MED13L: variants seen among roughly 807,000 people sequenced by gnomAD.
MED13L encodes mediator of RNA polymerase II transcription subunit 13-like.
In MED13L, 7 loss-of-function variants were observed where a neutral mutation model predicts 220.9. The ratio of observed to expected loss-of-function variants is 0.03; its 90% confidence interval spans 0.02 to 0.06. MED13L has a LOEUF of 0.06. Among genes scored for constraint, MED13L ranks in the 10% least tolerant of loss-of-function variants. The pLI is 1.00. For synonymous variants in MED13L, 1,011 were observed against 1,015.2 expected, an observed-to-expected ratio of 1.00 and a Z score of 0.08; for missense variants, 1,965 against 2,760.5, an observed-to-expected ratio of 0.71 and a Z score of 6.46.
intron 2 of MED13L, among the ~76,000 whole-genome samples, chr12:116,234,199 A>C (rs929171485): frequency 5.3e-5 from 8 of 151,784 alleles, no homozygotes; most frequent in African/African-American, 1.9e-4. Flanking sequence ...AATTTAAGCC[A>C]GCTAACAGGA....
intron 2 of MED13L, among the ~76,000 whole-genome samples, chr12:116,228,504 A>C (rs887397526): frequency 1.3e-5 from 2 of 152,160 alleles, no homozygotes; most frequent in African/African-American, 4.8e-5. Flanking sequence ...TTTTCTGCAG[A>C]GACAGGGTCC....
chr12:116,124,712 T>C (rs977875306), intron 2 of MED13L, among the ~76,000 whole-genome samples: 1 of 152,192 alleles, frequency 6.6e-6, no homozygotes, highest in Non-Finnish European at 1.5e-5. Flanking sequence ...AGGTTTTAAC[T>C]GTAAATATAA....
At chr12:115,976,276 A>G (rs1164981194) in intron 23 of MED13L, among the ~76,000 whole-genome samples, 1 of 152,256 alleles carries the variant, frequency 6.6e-6, no homozygotes, top group Non-Finnish European at 1.5e-5. Context: ...ACTCATCAAC[A>G]GTGAAAGAGA....
intron 2 of MED13L, among the ~76,000 whole-genome samples, chr12:116,227,415 G>A (rs1869114652): frequency 6.6e-6 from 1 of 152,090 alleles, no homozygotes; most frequent in Non-Finnish European, 1.5e-5. Flanking sequence ...CAAATTTAAG[G>A]TGTGTAGCAA....
At chr12:116,007,665 A>AAAAG in intron 10 of MED13L, 29 bp from the exon 11 acceptor site, 3 of 1,498,400 alleles carry the variant, frequency 2.0e-6, no homozygotes, top group Non-Finnish European at 2.8e-6. Context: ...AAAAAAAAAA[A>AAAAG]GAGCATTTAT....
At chr12:116,098,438 G>C (rs77536105) in intron 3 of MED13L, among the ~76,000 whole-genome samples, 94 of 152,196 alleles carry the variant, frequency 6.2e-4, no homozygotes, top group African/African-American at 2.1e-3. Flanking sequence ...CTACCTACCA[G>C]CAAAAGAGTT....
chr12:116,060,232 G>C (rs1370247968), intron 4 of MED13L, among the ~76,000 whole-genome samples: 1 of 151,772 alleles, frequency 6.6e-6, no homozygotes. Context: ...ATTCGAATTA[G>C]ACACATTTCT....
chr12:116,008,940 G>A lies in MED13L; in HGVS notation c.1473C>T (p.Pro491=). The change falls in exon 10 of 31, where the codon CCC becomes CCT. Residue 491 remains proline, a synonymous_variant. Coordinates refer to ENST00000281928, the MANE Select transcript of MED13L (RefSeq NM_015335.5). ...CCATGCATAATTCTTCGGCCACAGA[G>A]GGCCTATGGTGAAATGGTATTAAGG... ...KRPLIPFHHR[P]SVAEELCMEQ... is the part of the protein sequence containing the mutation. 1 of 1,614,124 alleles carries A rather than the reference G, an allele frequency of 6.2e-7. No individual in the cohort carries two copies. Among genetic ancestry groups the A allele is most frequent in the South Asian group, 1.1e-5 (1 of 91,086 alleles).
chr12:116,221,456 C>G (rs2138394035), intron 2 of MED13L, among the ~76,000 whole-genome samples: 1 of 151,538 alleles, frequency 6.6e-6, no homozygotes, highest in Non-Finnish European at 1.5e-5. Context: ...AGAATAAACC[C>G]AAAACTACTT....
intron 2 of MED13L, among the ~76,000 whole-genome samples, chr12:116,229,275 T>C (rs1051303593): frequency 6.6e-6 from 1 of 152,224 alleles, no homozygotes; most frequent in African/African-American, 2.4e-5. Flanking sequence ...ACAGTTAATC[T>C]AGTGTTAAGA....
intron 4 of MED13L, among the ~76,000 whole-genome samples, chr12:116,030,113 G>A (rs1024862408): frequency 6.6e-6 from 1 of 152,056 alleles, no homozygotes; most frequent in Non-Finnish European, 1.5e-5. Context: ...GATTACAGAT[G>A]TGCGCCGCTA....
chr12:116,050,486 C>T (rs981009305), intron 4 of MED13L, among the ~76,000 whole-genome samples: 14 of 151,962 alleles, frequency 9.2e-5, no homozygotes, highest in Non-Finnish European at 1.8e-4. Flanking sequence ...AAGCCAAGTT[C>T]GGCTAATAGA....
At chr12:116,004,937 T>C (rs918753201) in intron 13 of MED13L, among the ~76,000 whole-genome samples, 1 of 152,208 alleles carries the variant, frequency 6.6e-6, no homozygotes, top group African/African-American at 2.4e-5. Context: ...CAACTTTAGA[T>C]TCAGGTCTAT....
chr12:116,169,783 AG>A (rs1879541275), intron 2 of MED13L, among the ~76,000 whole-genome samples: 2 of 152,294 alleles, frequency 1.3e-5, no homozygotes, highest in South Asian at 4.1e-4. Flanking sequence ...CCAAGGCAGG[AG>A]GATCACTTAA....
chr12:116,120,223 C>A (rs969587310), intron 2 of MED13L, among the ~76,000 whole-genome samples: 2 of 152,044 alleles, frequency 1.3e-5, no homozygotes, highest in Non-Finnish European at 2.9e-5. Flanking sequence ...CTTTCCCCTA[C>A]ACAACACTTA....
rs879877593 is a variant in MED13L at position 116,276,351 on chromosome 12, T to C, written c.72+709A>G. On this transcript the variant is annotated intron_variant, in intron 1 of 30. Coordinates refer to ENST00000281928, the MANE Select transcript of MED13L (RefSeq NM_015335.5). ...GTGTGTGTGTGTGTGTGTGTGTGTG[T>C]GCGGATTCGTTGTTAGGATAGAGAA... The C allele has an allele frequency of 9.1e-4, 613 of 676,746 alleles. 3 individuals carry two copies. The highest frequency in any genetic ancestry group is 5.6e-3 in the African/African-American group (281 of 50,582). The allele number at this position is 676,746 out of a possible 1,614,324, so 41.9% of individuals were successfully genotyped here. A position where few individuals can be genotyped will look rare whatever the true frequency, so the allele number is the denominator to read the frequency against.
Position 116,006,394 on chromosome 12 carries a change from A to G in MED13L, c.2256T>C (p.Gly752=). The G allele has an allele frequency of 6.2e-7, 1 of 1,613,922 alleles. No homozygotes were observed. The highest frequency in any genetic ancestry group is 8.5e-7 in the Non-Finnish European group (1 of 1,179,838). The change falls in exon 12 of 31, where the codon GGT becomes GGC. Residue 752 remains glycine (G), a synonymous_variant. Coordinates refer to ENST00000281928, the MANE Select transcript of MED13L (RefSeq NM_015335.5). The stretch of plus-strand genomic sequence containing the variant: ...GACCTGGTGTAGTGACATCCTTGGT[A>G]CCAAATCCATCCTCTGACTGTATAA... ...LKKNKSEDGF[G]TKDVTTPGHS...
At chr12:116,148,128 G>A (rs935648520) in intron 2 of MED13L, among the ~76,000 whole-genome samples, 2 of 149,864 alleles carry the variant, frequency 1.3e-5, no homozygotes, top group African/African-American at 4.9e-5. Context: ...GACTGATTTG[G>A]TATTAAAGTC....
At chr12:116,067,295 T>C (rs1345833695) in intron 4 of MED13L, among the ~76,000 whole-genome samples, 2 of 152,198 alleles carry the variant, frequency 1.3e-5, no homozygotes, top group Non-Finnish European at 2.9e-5. Flanking sequence ...GTAGACATAT[T>C]AGAACCAATG....
Sources: allele counts gnomAD v4.1 joint callset (sites outside exome capture counted in the v4.1 genomes callset), GRCh38; gene constraint gnomAD v4.1.1; transcripts MANE v1.5; gene names NCBI Gene and HGNC (gene_info 2026-07-23, HGNC 2026-07-21).